The following EXOC6B variants were observed in gnomAD, a reference collection of about 807,000 sequenced individuals.
The protein encoded by EXOC6B is exocyst complex component 6B.
In EXOC6B, 54 loss-of-function variants were observed where a neutral mutation model predicts 113.5. The ratio of observed to expected loss-of-function variants is 0.48; its 90% confidence interval spans 0.38 to 0.60. EXOC6B has a LOEUF of 0.60. Among genes scored for constraint, EXOC6B ranks in the 20% least tolerant of loss-of-function variants. EXOC6B has a pLI of 0.00. For synonymous variants in EXOC6B, 357 were observed against 339.0 expected (o/e 1.05, Z -0.58); for missense variants, 797 against 977.5 (o/e 0.82, Z 2.46).
intron 13 of EXOC6B, among the ~76,000 whole-genome samples, chr2:72,496,836 T>C (rs1238984896): frequency 6.6e-6 from 1 of 151,894 alleles, no homozygotes; most frequent in Non-Finnish European, 1.5e-5. Flanking sequence ...AACTGAGATT[T>C]ACAAATAGGA....
chr2:72,724,207 G>A (rs1680171020), intron 5 of EXOC6B, among the ~76,000 whole-genome samples: 2 of 151,660 alleles, frequency 1.3e-5, no homozygotes, highest in African/African-American at 2.4e-5. Flanking sequence ...AGGAAGGAAG[G>A]GAGAGAGTGG....
At chr2:72,814,947 T>C (rs886558498) in intron 1 of EXOC6B, among the ~76,000 whole-genome samples, 2 of 152,116 alleles carry the variant, frequency 1.3e-5, no homozygotes, top group South Asian at 2.1e-4. Context: ...ACCGAGATCG[T>C]GCCACTGCAC....
chr2:72,199,878 C>T (rs757501736), intron 20 of EXOC6B, among the ~76,000 whole-genome samples: 29 of 152,202 alleles, frequency 1.9e-4, no homozygotes, highest in South Asian at 1.0e-3. Flanking sequence ...CATATTCTTT[C>T]GGCTTTTGGG....
rs1687592231 is a variant in EXOC6B, at chr2:72,317,558, A to ATC, written c.2196+17387_2196+17388dup. ...AACACAGGGAAGCATGTATGAACACATCACACACACACACACACACACACA... is the reference window on the plus strand; with the variant it reads ...AACACAGGGAAGCATGTATGAACACATCTCACACACACACACACACACACACA... On this transcript the variant is annotated intron_variant, in intron 20 of 21. Transcript: ENST00000272427. Among the ~76,000 whole-genome samples the ATC allele has an allele frequency of 9.1e-5, 11 of 120,502 alleles. 1 individual carries two copies. The highest frequency in any genetic ancestry group is 7.6e-4 in the Admixed American group (10 of 13,228). 79.1% of individuals were successfully genotyped at this position (120,502 alleles called of 152,430 possible).
intron 6 of EXOC6B, among the ~76,000 whole-genome samples, chr2:72,585,532 G>C (rs1018212231): frequency 6.6e-6 from 1 of 152,086 alleles, no homozygotes; most frequent in African/African-American, 2.4e-5. Flanking sequence ...AGGAGGCAGA[G>C]GGTGCAGTGA....
At chr2:72,513,857 A>G (rs1045530550) in intron 10 of EXOC6B, among the ~76,000 whole-genome samples, 53 of 152,160 alleles carry the variant, frequency 3.5e-4, no homozygotes, top group African/African-American at 1.2e-3. Context: ...CTAAATATTC[A>G]TATTAATGAA....
At chr2:72,394,459 CAAT>C (rs1480296814) in intron 18 of EXOC6B, among the ~76,000 whole-genome samples, 3 of 151,946 alleles carry the variant, frequency 2.0e-5, no homozygotes, top group Non-Finnish European at 4.4e-5. Flanking sequence ...ATCCCAACAA[CAAT>C]GACATGGGAA....
At chr2:72,271,716 T>C (rs1426506810) in intron 20 of EXOC6B, among the ~76,000 whole-genome samples, 1 of 152,188 alleles carries the variant, frequency 6.6e-6, no homozygotes, top group Non-Finnish European at 1.5e-5. Flanking sequence ...ACTTCTGGGT[T>C]TGCACATATA....
At chr2:72,668,612 T>C (rs1400336686) in intron 6 of EXOC6B, among the ~76,000 whole-genome samples, 1 of 152,208 alleles carries the variant, frequency 6.6e-6, no homozygotes, top group African/African-American at 2.4e-5. Flanking sequence ...TTATATCCTT[T>C]GCAGCATCAT....
intron 18 of EXOC6B, among the ~76,000 whole-genome samples, chr2:72,401,622 CAT>C (rs1364126956): frequency 0.11 from 1,587 of 14,308 alleles, 129 homozygotes; most frequent in Middle Eastern, 0.17. Flanking sequence ...TATATATATA[CAT>C]ATATATATAT....
Position 72,718,093 on chromosome 2 carries a change from C to T in EXOC6B, c.669+10G>A. On this transcript the variant is annotated intron_variant, in intron 6 of 21. Transcript: ENST00000272427. ...GCCACTGGCCAACCTATCATAAACC[C>T]AAGACCTACTTGCTTCATGGCAGTC... The T allele has an allele frequency of 1.3e-6, 2 of 1,596,216 alleles. No homozygotes were observed. Among genetic ancestry groups the T allele is most frequent in the Non-Finnish European group, 1.7e-6 (2 of 1,170,760 alleles).
At chr2:72,333,898 C>A (rs1431069319) in intron 20 of EXOC6B, among the ~76,000 whole-genome samples, 1 of 152,014 alleles carries the variant, frequency 6.6e-6, no homozygotes, top group African/African-American at 2.4e-5. Context: ...AAAAGCTGTT[C>A]CAGCATGAAT....
chr2:72,458,139 A>T (rs993229782), intron 18 of EXOC6B, among the ~76,000 whole-genome samples: 2 of 152,144 alleles, frequency 1.3e-5, no homozygotes, highest in South Asian at 4.1e-4. Flanking sequence ...CTATCAATCA[A>T]TCCCTCTCTG....
At chr2:72,210,658 C>A (rs1680131561) in intron 20 of EXOC6B, among the ~76,000 whole-genome samples, 1 of 152,188 alleles carries the variant, frequency 6.6e-6, no homozygotes, top group Non-Finnish European at 1.5e-5. Context: ...GCAGCTATCC[C>A]AAAGGGGGCT....
intron 7 of EXOC6B, among the ~76,000 whole-genome samples, chr2:72,568,191 G>A (rs1305123629): frequency 6.6e-6 from 1 of 151,908 alleles, no homozygotes; most frequent in Non-Finnish European, 1.5e-5. Flanking sequence ...AGGATACAAC[G>A]AGATGTACCT....
At chr2:72,492,216 G>A (rs1211012643) in intron 16 of EXOC6B, 102 bp downstream of exon 16, 3 of 534,760 alleles carry the variant, frequency 5.6e-6, no homozygotes, top group African/African-American at 1.9e-5. Flanking sequence ...AGCCTATCAG[G>A]AAGAGCATGT....
intron 8 of EXOC6B, among the ~76,000 whole-genome samples, chr2:72,551,900 T>C (rs762743730): frequency 1.3e-5 from 2 of 152,202 alleles, no homozygotes; most frequent in Non-Finnish European, 2.9e-5. Context: ...CCTGGTGTAA[T>C]GTAATCATAT....
chr2:72,713,589 C>A (rs1041325735), intron 6 of EXOC6B, among the ~76,000 whole-genome samples: 1 of 151,890 alleles, frequency 6.6e-6, no homozygotes, highest in South Asian at 2.1e-4. Context: ...CCCGTCCCCC[C>A]ACCCCACAAC....
chr2:72,573,452 A>T (rs1704635388), intron 7 of EXOC6B, among the ~76,000 whole-genome samples: 1 of 152,218 alleles, frequency 6.6e-6, no homozygotes, highest in Non-Finnish European at 1.5e-5. Context: ...GTGGATCCAC[A>T]TCTTAATAAG....
Sources: allele counts gnomAD v4.1 joint callset (sites outside exome capture counted in the v4.1 genomes callset), GRCh38; gene constraint gnomAD v4.1.1; transcripts MANE v1.5; gene names NCBI Gene and HGNC (gene_info 2026-07-23, HGNC 2026-07-21).